Variants in ZDHHC16 observed in about 807,000 individuals in gnomAD.
ZDHHC16 encodes the protein zDHHC palmitoyltransferase 16, also known as palmitoyltransferase ZDHHC16.
In ZDHHC16, 33 loss-of-function variants were observed where a neutral mutation model predicts 54.4. The ratio of observed to expected loss-of-function variants is 0.61; its 90% CI spans 0.46 to 0.81. ZDHHC16 has a LOEUF of 0.81. Among genes scored for constraint, ZDHHC16 ranks in the 30% least tolerant of loss-of-function variants. The probability of loss-of-function intolerance (pLI) is 0.00; values close to 1 mark genes in which losing one functional copy is unlikely to be tolerated. For synonymous variants in ZDHHC16, 185 were observed against 182.1 expected (o/e 1.02, Z -0.13); for missense variants, 420 against 485.9 (o/e 0.86, Z 1.28).
intron 1 of ZDHHC16, among the ~76,000 whole-genome samples, chr10:97,449,494 A>G (rs1253625323): frequency 6.6e-6 from 1 of 152,160 alleles, no homozygotes; most frequent in Non-Finnish European, 1.5e-5. Context: ...AAGCCAAATC[A>G]TGCTTCCAAA....
At chr10:97,446,767 G>GCTC (rs1846085099) in intron 1 of ZDHHC16, among the ~76,000 whole-genome samples, 1 of 152,174 alleles carries the variant, frequency 6.6e-6, no homozygotes, top group Non-Finnish European at 1.5e-5. Flanking sequence ...CGCCAGGCTG[G>GCTC]AGTGCAGTGG....
chr10:97,452,662 G>T, intron 5 of ZDHHC16, 159 bp downstream of exon 5: 2 of 937,542 alleles, frequency 2.1e-6, no homozygotes, highest in South Asian at 3.3e-5. Context: ...GGATGGTCCT[G>T]TGAGTTAGGC....
At chr10:97,454,662 T>G in intron 8 of ZDHHC16, 52 bp from the exon 9 acceptor site, 5 of 1,520,234 alleles carry the variant, frequency 3.3e-6, no homozygotes, top group Non-Finnish European at 4.6e-6. Context: ...TGGGGGCAGT[T>G]GCTGGAGACC....
intron 11 of ZDHHC16, 27 bp from the exon 12 acceptor site, chr10:97,456,750 C>CA (rs747995134): frequency 2.3e-5 from 36 of 1,539,912 alleles, no homozygotes; most frequent in Non-Finnish European, 2.9e-5. Context: ...TTCTTGAACT[C>CA]AGAGACATTT....
Position 97,446,184 on chromosome 10 carries a change from G to C in ZDHHC16, c.-355G>C, listed in dbSNP as rs757064434. 1.3e-6 allele frequency: 1 copy of C among 766,080 alleles called. No individual in the cohort carries two copies. The highest frequency in any genetic ancestry group is 2.1e-6 in the Non-Finnish European group (1 of 473,880). 47.5% of individuals were successfully genotyped at this position (766,080 alleles called of 1,614,324 possible). On this transcript the variant is annotated 5_prime_UTR_variant, in exon 1 of 12. Coordinates refer to ENST00000393760, the MANE Select transcript of ZDHHC16 (RefSeq NM_198046.3). ...GCTGGCGCCTGCGCGTGTGGTTGAG[G>C]ATGGGCTGGCGGCGGGTCCGGGTCC...
At position 97,452,157 on chromosome 10, in the gene ZDHHC16, C is replaced by T. The variant is rs1846699510; in HGVS notation, c.311C>T (p.Pro104Leu). ...GCTATCGCCTACCTGTGTGTCCTGC[C>T]TCTCATCCTCCGAACCTACTCAGTG... ...IVAIAYLCVL[P>L]LILRTYSVPR... is the part of the protein sequence containing the mutation. Residue 104 changes from proline (P) to leucine (L), a missense_variant, in exon 4 of 12, where the codon CCT becomes CTT. Coordinates refer to ENST00000393760, the MANE Select transcript of ZDHHC16 (RefSeq NM_198046.3). The T allele has an allele frequency of 6.2e-7, 1 of 1,614,150 alleles. No individual in the cohort carries two copies. Among genetic ancestry groups the T allele is most frequent in the East Asian group, 2.2e-5 (1 of 44,876 alleles).
chr10:97,452,483 C>A lies in ZDHHC16; in HGVS notation c.507C>A (p.His169Gln). Residue 169 changes from histidine to glutamine, a missense_variant, in exon 5 of 12, where the codon CAC becomes CAA. Transcript: ENST00000393760. Reference sequence around the variant, plus strand: ...TTTACCCCAAGCCAGCCCGAACACACCACTGCAGCATCTGCAACAGGTGGG... The same window carrying A: ...TTTACCCCAAGCCAGCCCGAACACAACACTGCAGCATCTGCAACAGGTGGG... ...KCIYPKPART[H>Q]HCSICNRCVL... is the part of the protein sequence containing the mutation. 6.2e-7 allele frequency: 1 copy of A among 1,614,200 alleles called. No homozygotes were observed. The highest frequency in any genetic ancestry group is 1.1e-5 in the South Asian group (1 of 91,084).
chr10:97,452,111 G>C lies in ZDHHC16; in HGVS notation c.265G>C (p.Val89Leu), dbSNP rs145605528. The change falls in exon 4 of 12, where the codon GTG becomes CTG. Residue 89 changes from valine (V) to leucine (L), a missense_variant. By Grantham distance (32) the Val-to-Leu change is conservative (BLOSUM62 1). Coordinates refer to ENST00000393760, the MANE Select transcript of ZDHHC16 (RefSeq NM_198046.3). ...GCAGGTGTTCGTGGTCCTGGTGATC[G>C]TGCTGACAGGCTCCATTGTAGCTAT... ...FGVVFVVLVI[V>L]LTGSIVAIAY... 47 of 1,613,748 alleles carry C rather than the reference G, an allele frequency of 2.9e-5. 1 individual carries two copies. In the Admixed American group the frequency reaches 4.3e-4, roughly 15 times the overall value.
rs367696427 is a variant in ZDHHC16 at position 97,452,401 on chromosome 10, C to T, written c.439-14C>T. ...AGAACTGGTGCTGCCACGTTATGCT[C>T]TCCCTTCACACAGGGCAGGAATGAT... On this transcript the variant is annotated splice_polypyrimidine_tract_variant and intron_variant, in intron 4 of 11. Transcript: ENST00000393760. 22 of 1,613,850 alleles carry T rather than the reference C, an allele frequency of 1.4e-5. No individual in the cohort carries two copies. The African/African-American group carries it at 2.8e-4, about 21-fold the overall frequency.
intron 9 of ZDHHC16, 124 bp downstream of exon 9, chr10:97,454,923 C>T (rs1262171538): frequency 3.7e-5 from 29 of 782,292 alleles, no homozygotes; most frequent in Non-Finnish European, 5.8e-5. Context: ...CTTAGGTTGG[C>T]AGAGAGCCAG....
At chr10:97,455,498 T>C (rs1359458445) in intron 9 of ZDHHC16, 162 bp from the exon 10 acceptor site, 1 of 1,232,898 alleles carries the variant, frequency 8.1e-7, no homozygotes, top group East Asian at 2.3e-5. Context: ...ATGCTCTTTA[T>C]AGACATAGTG....
At position 97,454,178 on chromosome 10, in the gene ZDHHC16, G is replaced by A. The variant is rs1357662994; in HGVS notation, c.738+332G>A. On this transcript the variant is annotated intron_variant, in intron 8 of 11. Coordinates refer to ENST00000393760, the MANE Select transcript of ZDHHC16 (RefSeq NM_198046.3). ...GGTTCCAGGGGACAGAGATCAGGCA[G>A]AGCCAGTCTGATCATCCCTTGCTCC... 3.3e-5 allele frequency among the ~76,000 whole-genome samples: 5 copies of A among 152,328 alleles called. No individual in the cohort carries two copies. The East Asian group carries it at 7.7e-4, about 23-fold the overall frequency.
chr10:97,456,964 C>T lies in ZDHHC16; in HGVS notation c.*73C>T. 1 of 1,247,426 alleles carries T rather than the reference C, an allele frequency of 8.0e-7. No individual in the cohort carries two copies. Among genetic ancestry groups the T allele is most frequent in the East Asian group, 2.6e-5 (1 of 38,208 alleles). The allele number at this position is 1,247,426 out of a possible 1,614,324, so 77.3% of individuals were successfully genotyped here. A position where few individuals can be genotyped will look rare whatever the true frequency, so the allele number is the denominator to read the frequency against. ...TTATTTCAAGGGCCTCCAAGGGCAG[C>T]TTTTCTCAGAATCCTTGATCAAAAA... is the stretch of plus-strand genomic sequence containing the variant. On this transcript the variant is annotated 3_prime_UTR_variant, in exon 12 of 12. Coordinates refer to ENST00000393760, the MANE Select transcript of ZDHHC16 (RefSeq NM_198046.3).
At chr10:97,450,200 G>A (rs1330603589) in intron 1 of ZDHHC16, among the ~76,000 whole-genome samples, 157 bp from the exon 2 acceptor site, 1 of 152,134 alleles carries the variant, frequency 6.6e-6, no homozygotes, top group East Asian at 1.9e-4. Flanking sequence ...TTCCTAGGAG[G>A]TGGCAGGAAT....
At chr10:97,456,358 G>A in intron 11 of ZDHHC16, 1 of 378,328 alleles carries the variant, frequency 2.6e-6, no homozygotes, top group Non-Finnish European at 4.7e-6. Flanking sequence ...TAGAGTTCAA[G>A]CCAATAATTT....
chr10:97,453,041 G>A, intron 6 of ZDHHC16, 118 bp downstream of exon 6: 1 of 1,328,502 alleles, frequency 7.5e-7, no homozygotes, highest in Non-Finnish European at 1.1e-6. Flanking sequence ...AGGAGTTGTG[G>A]GGCCTGACCA....
chr10:97,454,833 G>A (rs900975213), intron 9 of ZDHHC16, 34 bp downstream of exon 9: 9 of 1,595,654 alleles, frequency 5.6e-6, no homozygotes, highest in Non-Finnish European at 1.7e-6. Flanking sequence ...GGGAGGGGAA[G>A]CTTCAGAAAA....
rs35173837 is a variant in ZDHHC16 at position 97,449,861 on chromosome 10, C to CTTTTTTTTTTT, written c.-185-485_-185-475dup. 1.7e-4 allele frequency among the ~76,000 whole-genome samples: 14 copies of CTTTTTTTTTTT among 81,514 alleles called. 1 individual carries two copies. The highest frequency in any genetic ancestry group is 5.9e-4 in the African/African-American group (10 of 17,000). 53.5% of individuals were successfully genotyped at this position (81,514 alleles called of 152,430 possible). ...TCTCTTTTCTACACTCCCCTTAATT[C>CTTTTTTTTTTT]TTTTTTTTTTTTTTTTTTTTTGAGA... On this transcript the variant is annotated intron_variant, in intron 1 of 11. Coordinates refer to ENST00000393760, the MANE Select transcript of ZDHHC16 (RefSeq NM_198046.3).
At chr10:97,452,367 T>C in intron 4 of ZDHHC16, 48 bp from the exon 5 acceptor site, 4 of 1,611,788 alleles carry the variant, frequency 2.5e-6, no homozygotes, top group Non-Finnish European at 3.4e-6. Flanking sequence ...TGGTATAGTT[T>C]TGAGAGACAG....
Sources: gnomAD v4.1 joint callset for allele counts (sites outside exome capture counted in the v4.1 genomes callset) on GRCh38, gnomAD v4.1.1 for gene constraint, MANE v1.5 for transcripts, NCBI Gene and HGNC (gene_info 2026-07-23, HGNC 2026-07-21) for gene names.